CLPSL1: variants seen among roughly 807,000 people sequenced by gnomAD.
CLPSL1 encodes colipase-like protein 1.
In CLPSL1, 13 loss-of-function variants were observed where a neutral mutation model predicts 9.3. That is an observed-to-expected ratio of 1.40 (90% CI 0.91 to 2.22). CLPSL1 has a LOEUF of 2.22. Among genes scored for constraint, CLPSL1 ranks in the 30% most tolerant of loss-of-function variants. CLPSL1 has a pLI of 0.00. For missense variants in CLPSL1, 164 were observed against 146.6 expected (o/e 1.12, Z -0.61); for synonymous variants, 58 against 56.9 (o/e 1.02, Z -0.08).
downstream of CLPSL1, among the ~76,000 whole-genome samples, chr6:35,791,740 GGGC>G (rs1768214669): frequency 6.6e-6 from 1 of 152,198 alleles, no homozygotes; most frequent in Admixed American, 6.5e-5. Context: ...AGACCAGTGT[GGGC>G]ATCATGGTGA....
chr6:35,787,147 A>G, intron 2 of CLPSL1, 27 bp downstream of exon 2: 1 of 1,609,212 alleles, frequency 6.2e-7, no homozygotes, highest in Non-Finnish European at 8.5e-7. Context: ...GGGGGGAGCC[A>G]GAGGGGATCC....
At chr6:35,791,739 T>TTTAA (rs1768214503), downstream of CLPSL1, among the ~76,000 whole-genome samples, 1 of 152,186 alleles carries the variant, frequency 6.6e-6, no homozygotes, top group Admixed American at 6.5e-5. Flanking sequence ...AAGACCAGTG[T>TTTAA]GGGCATCATG....
At chr6:35,784,770 A>G (rs1318799828) in intron 1 of CLPSL1, among the ~76,000 whole-genome samples, 1 of 152,212 alleles carries the variant, frequency 6.6e-6, no homozygotes, top group Non-Finnish European at 1.5e-5. Flanking sequence ...TTGGCAATGA[A>G]TCTGTATGCA....
intron 1 of CLPSL1, among the ~76,000 whole-genome samples, chr6:35,784,977 G>A (rs1295891129): frequency 6.6e-6 from 1 of 152,070 alleles, no homozygotes; most frequent in Admixed American, 6.5e-5. Flanking sequence ...GTTTAACCTT[G>A]GTCCTACCCC....
intron 1 of CLPSL1, among the ~76,000 whole-genome samples, chr6:35,781,519 A>C (rs183637615): frequency 1.3e-5 from 2 of 152,178 alleles, no homozygotes; most frequent in African/African-American, 4.8e-5. Context: ...ACTATATGTA[A>C]ATTATTTTTC....
chr6:35,784,774 G>C (rs12110921), intron 1 of CLPSL1, among the ~76,000 whole-genome samples: 6,287 of 152,234 alleles, frequency 0.041, 190 homozygotes, highest in Middle Eastern at 0.095. Context: ...CAATGAATCT[G>C]TATGCATTTA....
chr6:35,787,629 A>G (rs1768108873), intron 2 of CLPSL1, among the ~76,000 whole-genome samples: 2 of 152,276 alleles, frequency 1.3e-5, no homozygotes, highest in Admixed American at 1.3e-4. Context: ...TAGGACAGGC[A>G]GATGGGTCAG....
chr6:35,791,163 C>T (rs9462117), downstream of CLPSL1, among the ~76,000 whole-genome samples: 7,781 of 150,834 alleles, frequency 0.052, 62 homozygotes, highest in African/African-American at 0.087. Flanking sequence ...ATGGGGATTC[C>T]GCTGCCCTAT....
chr6:35,787,459 C>G (rs1768105860), intron 2 of CLPSL1, among the ~76,000 whole-genome samples: 1 of 152,286 alleles, frequency 6.6e-6, no homozygotes, highest in South Asian at 2.1e-4. Flanking sequence ...AGAGCCCCGT[C>G]TTCATCCAGC....
At chr6:35,785,334 C>T (rs1253593277) in intron 1 of CLPSL1, among the ~76,000 whole-genome samples, 1 of 151,884 alleles carries the variant, frequency 6.6e-6, no homozygotes, top group African/African-American at 2.4e-5. Flanking sequence ...CCCGCCACCA[C>T]GCCCAGCTAA....
chr6:35,787,098 A>AG lies in CLPSL1; in HGVS notation c.203dup (p.Ser69GlnfsTer13), dbSNP rs1299544684. On this transcript the variant is annotated frameshift_variant, in exon 2 of 3. Transcript: ENST00000373861. LOFTEE classifies it low-confidence loss of function (END_TRUNC). Reference sequence around the variant, plus strand: ...TCGCACTGCGCGGAGAAGGGGTCCGAGGGCAGTCTGTGTCAAACGCAGGTG... The same window carrying AG: ...TCGCACTGCGCGGAGAAGGGGTCCGAGGGGCAGTCTGTGTCAAACGCAGGTG... The AG allele has an allele frequency of 1.8e-5, 29 of 1,611,412 alleles. No homozygotes were observed. The highest frequency in any genetic ancestry group is 2.5e-5 in the Non-Finnish European group (29 of 1,179,516).
intron 1 of CLPSL1, among the ~76,000 whole-genome samples, chr6:35,783,493 G>C (rs1214097219): frequency 2.6e-5 from 4 of 151,050 alleles, no homozygotes; most frequent in African/African-American, 9.8e-5. Context: ...CTGGGCAGTA[G>C]AGTGAGACTT....
chr6:35,788,386 G>T (rs1768130579), downstream of CLPSL1, among the ~76,000 whole-genome samples: 1 of 152,244 alleles, frequency 6.6e-6, no homozygotes, highest in South Asian at 2.1e-4. Flanking sequence ...CGGAAGCCCA[G>T]TTTACACCTG....
downstream of CLPSL1, among the ~76,000 whole-genome samples, chr6:35,790,303 A>G (rs1324995288): frequency 6.6e-6 from 1 of 152,270 alleles, no homozygotes; most frequent in Admixed American, 6.5e-5. Flanking sequence ...CAAAGTTGTT[A>G]ATTTTTTTAA....
chr6:35,785,946 CAAAAA>C (rs35079833), intron 1 of CLPSL1, among the ~76,000 whole-genome samples: 4 of 110,752 alleles, frequency 3.6e-5, no homozygotes, highest in South Asian at 6.2e-4. Flanking sequence ...GAGACTTTGT[CAAAAA>C]AAAAAAAAAA....
intron 1 of CLPSL1, 146 bp downstream of exon 1, chr6:35,781,355 G>A (rs983573373): frequency 7.7e-7 from 1 of 1,293,294 alleles, no homozygotes; most frequent in Non-Finnish European, 1.0e-6. Context: ...ATGTCTCGGA[G>A]GAAAGAGAGA....
chr6:35,787,942 C>T lies in CLPSL1; in HGVS notation c.298C>T (p.Leu100Phe), dbSNP rs776266637. The T allele has an allele frequency of 4.0e-5, 64 of 1,612,808 alleles. No homozygotes were observed. The highest frequency in any genetic ancestry group is 5.3e-5 in the Non-Finnish European group (63 of 1,178,884). Reference sequence around the variant, plus strand: ...TATATATTCAAAGAATGAGAAATGGCTTAGCATCGCCTATGGCCGTTGTCA... The same window carrying T: ...TATATATTCAAAGAATGAGAAATGGTTTAGCATCGCCTATGGCCGTTGTCA... ...TCIYSKNEKW[L>F]SIAYGRCQKI... Residue 100 changes from leucine to phenylalanine, a missense_variant, in exon 3 of 3, where the codon CTT becomes TTT. Leu to Phe is a conservative substitution (Grantham distance 22). Transcript: ENST00000373861.
rs2766589 is a variant in CLPSL1 at position 35,787,138 on chromosome 6, G to C, written c.222+18G>C. ...AAACGCAGGTGGGTATCGCCGCCCG[G>C]GGGGAGCCAGAGGGGATCCAGGGGA... On this transcript the variant is annotated intron_variant, in intron 2 of 2. Transcript: ENST00000373861. The C allele has an allele frequency of 2.5e-3, 3,969 of 1,609,200 alleles. No individual in the cohort carries two copies. In the African/African-American group the frequency reaches 0.034, roughly 14 times the overall value.
At chr6:35,793,873 C>T (rs1367991651), downstream of CLPSL1, among the ~76,000 whole-genome samples, 1 of 152,256 alleles carries the variant, frequency 6.6e-6, no homozygotes, top group Admixed American at 6.5e-5. Context: ...TGAGCTTCCA[C>T]CTGCGTACCT....
Sources: gnomAD v4.1 joint callset for allele counts (sites outside exome capture counted in the v4.1 genomes callset) on GRCh38, gnomAD v4.1.1 for gene constraint, MANE v1.5 for transcripts, NCBI Gene and HGNC (gene_info 2026-07-23, HGNC 2026-07-21) for gene names.